Variants in GLI3 observed in about 807,000 individuals in gnomAD.
GLI3 encodes transcription activator GLI3.
Under a neutral mutation model 100.8 loss-of-function variants are expected in GLI3, and 20 were observed. That is an observed-to-expected ratio of 0.20 (90% CI 0.14 to 0.29). The LOEUF is 0.29. GLI3 is among the 10% of genes least tolerant of loss of function. The pLI is 1.00. For synonymous variants in GLI3, 938 were observed against 860.5 expected, an observed-to-expected ratio of 1.09 and a Z score of -1.58; for missense variants, 2,040 against 2,128.5, an observed-to-expected ratio of 0.96 and a Z score of 0.82.
Position 41,965,441 on chromosome 7 carries a change from C to A in GLI3, c.3632G>T (p.Gly1211Val). The stretch of plus-strand genomic sequence containing the variant: ...GTTCTCCCCGAGGGTCTGATAGCCC[C>A]CAGCAGGCCCGCTCCTCAAGGGGTT... Reference protein sequence around the residue: ...PQNPLRSGPAGGYQTLGENSN... With the variant: ...PQNPLRSGPAVGYQTLGENSN... The change falls in exon 15 of 15, where the codon GGG (glycine) becomes GTG (valine). Residue 1211 changes from glycine to valine, a missense_variant. Physicochemically the swap from Gly to Val is moderately radical, Grantham distance 109 (BLOSUM62 -3). Coordinates refer to ENST00000395925, the MANE Select transcript of GLI3 (RefSeq NM_000168.6). 6.2e-7 allele frequency: 1 copy of A among 1,607,856 alleles called. No homozygotes were observed. Among genetic ancestry groups the A allele is most frequent in the South Asian group, 1.1e-5 (1 of 90,996 alleles).
chr7:42,227,714 G>A (rs977538055), intron 1 of GLI3: 1 of 152,156 alleles, frequency 6.6e-6, no homozygotes, highest in Non-Finnish European at 1.5e-5. Context: ...GCGAGCAAGA[G>A]AACCGCAACC....
Position 41,963,653 on chromosome 7 carries a change from C to G in GLI3, c.*677G>C, listed in dbSNP as rs1285794911. On this transcript the variant is annotated 3_prime_UTR_variant, in exon 15 of 15. Coordinates refer to ENST00000395925, the MANE Select transcript of GLI3 (RefSeq NM_000168.6). ...AGACATGAAGAGCTGAAAACCAAAA[C>G]TGTGAGCGCCCATTTCATTTATAAG... 1.3e-5 allele frequency: 2 copies of G among 152,426 alleles called. No individual in the cohort carries two copies. The highest frequency in any genetic ancestry group is 2.9e-5 in the Non-Finnish European group (2 of 68,228). The allele number at this position is 152,426 out of a possible 1,614,324, so 9.4% of individuals were successfully genotyped here.
intron 3 of GLI3, among the ~76,000 whole-genome samples, chr7:42,122,840 T>A (rs962179265): frequency 5.9e-5 from 9 of 152,222 alleles, no homozygotes; most frequent in African/African-American, 2.2e-4. Flanking sequence ...TAATCAGATT[T>A]TCCTAGAGCC....
At chr7:42,180,628 A>T (rs1160534894) in intron 2 of GLI3, among the ~76,000 whole-genome samples, 1 of 152,220 alleles carries the variant, frequency 6.6e-6, no homozygotes, top group Admixed American at 6.5e-5. Context: ...CAGCAGCCAA[A>T]CAGTTCGAAC....
rs770821954 is a variant in GLI3, at chr7:42,025,216, C to G, written c.1356+48G>C. The G allele has an allele frequency of 2.4e-6, 3 of 1,246,566 alleles. No homozygotes were observed. The South Asian group carries it at 3.6e-5, about 15-fold the overall frequency. 77.2% of individuals were successfully genotyped at this position (1,246,566 alleles called of 1,614,324 possible). ...GAAGCGGGAGCTGACCCAAAGACAC[C>G]AGTCTTGGGAGGAGTGGGCGCTGGC... is the stretch of plus-strand genomic sequence containing the variant. On this transcript the variant is annotated intron_variant, in intron 9 of 14. Coordinates refer to ENST00000395925, the MANE Select transcript of GLI3 (RefSeq NM_000168.6).
chr7:42,098,999 A>G (rs1015362165), intron 3 of GLI3, among the ~76,000 whole-genome samples: 4 of 152,078 alleles, frequency 2.6e-5, no homozygotes, highest in Admixed American at 2.6e-4. Context: ...TCATCCAGGG[A>G]TACATCTGCC....
chr7:42,062,655 T>C (rs1583522729), intron 4 of GLI3, among the ~76,000 whole-genome samples: 1 of 152,070 alleles, frequency 6.6e-6, no homozygotes, highest in African/African-American at 2.4e-5. Flanking sequence ...CTTTATTCTT[T>C]CAAATCCTGA....
chr7:42,094,474 G>A (rs535713615), intron 3 of GLI3, among the ~76,000 whole-genome samples: 2 of 146,086 alleles, frequency 1.4e-5, no homozygotes, highest in South Asian at 2.2e-4. Context: ...GGTGGTGGGC[G>A]CCTGTAATCC....
chr7:42,222,995 C>T, intron 2 of GLI3, 135 bp downstream of exon 2: 6 of 1,070,618 alleles, frequency 5.6e-6, no homozygotes, highest in Non-Finnish European at 8.6e-6. Context: ...CGTCCCCCCG[C>T]CCCTGCTCCA....
At chr7:42,053,889 C>A (rs1363318852) in intron 4 of GLI3, among the ~76,000 whole-genome samples, 1 of 152,222 alleles carries the variant, frequency 6.6e-6, no homozygotes, top group Non-Finnish European at 1.5e-5. Flanking sequence ...GCTGTCTGGG[C>A]ACCAGAGATT....
At position 42,262,472 on chromosome 7, in the gene GLI3, C is replaced by A. The variant is rs1359063927; in HGVS notation, c.-43+1522G>T. ...ATAGGGTATAACCATGTTGCCCAGG[C>A]TTGTCTCAAACTCCTGGGCTCAAGC... is the stretch of plus-strand genomic sequence containing the variant. On this transcript the variant is annotated intron_variant, in intron 1 of 2. Transcript: ENST00000678978. 2.0e-5 allele frequency among the ~76,000 whole-genome samples: 3 copies of A among 152,070 alleles called. No individual in the cohort carries two copies. In the East Asian group the frequency reaches 5.8e-4, roughly 29 times the overall value.
chr7:42,116,972 T>A, intron 3 of GLI3, among the ~76,000 whole-genome samples: 1 of 152,336 alleles, frequency 6.6e-6, no homozygotes, highest in Non-Finnish European at 1.5e-5. Flanking sequence ...TACGCAGATA[T>A]CACTTGTGAA....
chr7:42,207,418 C>T (rs148448747), intron 2 of GLI3, among the ~76,000 whole-genome samples: 1 of 152,244 alleles, frequency 6.6e-6, no homozygotes, highest in East Asian at 1.9e-4. Flanking sequence ...GTTTAAAAAG[C>T]GAGGTAAGGT....
intron 4 of GLI3, among the ~76,000 whole-genome samples, chr7:42,071,686 T>G (rs1177852772): frequency 6.6e-6 from 1 of 152,216 alleles, no homozygotes; most frequent in African/African-American, 2.4e-5. Flanking sequence ...ATGATATACC[T>G]TTTCTTAGAG....
At chr7:42,166,130 C>T (rs1180316758) in intron 2 of GLI3, among the ~76,000 whole-genome samples, 1 of 152,206 alleles carries the variant, frequency 6.6e-6, no homozygotes, top group East Asian at 1.9e-4. Flanking sequence ...GAAGAACCAT[C>T]CTCAGCCCCT....
chr7:42,196,327 A>G (rs1787927751), intron 2 of GLI3, among the ~76,000 whole-genome samples: 1 of 152,218 alleles, frequency 6.6e-6, no homozygotes, highest in African/African-American at 2.4e-5. Context: ...AATTTCAACT[A>G]TTAATTCTCA....
Position 42,175,296 on chromosome 7 carries a change from C to G in GLI3, c.125-26828G>C, listed in dbSNP as rs533883805. Among the ~76,000 whole-genome samples the G allele has an allele frequency of 8.5e-5, 13 of 152,346 alleles. No homozygotes were observed. The South Asian group carries it at 2.7e-3, about 32-fold the overall frequency. On this transcript the variant is annotated intron_variant, in intron 2 of 14. Transcript: ENST00000395925. ...TTGTATAAGCTGAGGAAACAGACTT[C>G]ACCCTTTTGGGGCTCAGTCTCTTCA... is the stretch of plus-strand genomic sequence containing the variant.
At chr7:42,192,957 C>A (rs1401477937) in intron 2 of GLI3, among the ~76,000 whole-genome samples, 1 of 152,152 alleles carries the variant, frequency 6.6e-6, no homozygotes. Context: ...AGACCACAGG[C>A]CCCAGGGGCC....
At chr7:42,254,006 G>A (rs1198564241) in intron 1 of GLI3, among the ~76,000 whole-genome samples, 1 of 152,104 alleles carries the variant, frequency 6.6e-6, no homozygotes, top group Middle Eastern at 3.2e-3. Flanking sequence ...GATCACATGA[G>A]GTCGGGAGTT....
Sources: gnomAD v4.1 joint callset for allele counts (sites outside exome capture counted in the v4.1 genomes callset) on GRCh38, gnomAD v4.1.1 for gene constraint, MANE v1.5 for transcripts, NCBI Gene and HGNC (gene_info 2026-07-23, HGNC 2026-07-21) for gene names.